The following ARMC3 variants were observed in gnomAD, a reference collection of about 807,000 sequenced individuals.
ARMC3 encodes the protein armadillo repeat-containing protein 3.
ARMC3 carries 74 observed loss-of-function variants against 90.3 expected under a neutral mutation model. The observed-to-expected ratio is 0.82, with a 90% confidence interval of 0.68 to 0.99. The LOEUF (loss-of-function observed/expected upper bound fraction) is 0.99. Among genes scored for constraint, ARMC3 ranks in the 50% least tolerant of loss-of-function variants. The pLI is 0.00. For missense variants in ARMC3, 958 were observed against 1,042.8 expected (o/e 0.92, Z 1.12); for synonymous variants, 334 against 361.8 (o/e 0.92, Z 0.87).
chr10:22,975,132 T>A (rs1835862112), intron 8 of ARMC3, among the ~76,000 whole-genome samples: 1 of 152,278 alleles, frequency 6.6e-6, no homozygotes, highest in African/African-American at 2.4e-5. Flanking sequence ...AAAATTTTTT[T>A]AAGGTATATC....
intron 15 of ARMC3, 132 bp from the exon 16 acceptor site, chr10:23,008,683 G>A (rs1393613313): frequency 2.6e-6 from 2 of 783,000 alleles, no homozygotes; most frequent in Non-Finnish European, 4.1e-6. Context: ...ATGGGGAAAG[G>A]AATCAAGTTA....
chr10:23,022,342 T>C (rs1478940630), intron 16 of ARMC3, among the ~76,000 whole-genome samples: 2 of 152,218 alleles, frequency 1.3e-5, no homozygotes, highest in African/African-American at 4.8e-5. Flanking sequence ...AATCACTTGA[T>C]GACTTCCTGC....
chr10:23,035,848 C>T (rs1839106269), intron 18 of ARMC3, among the ~76,000 whole-genome samples: 1 of 152,126 alleles, frequency 6.6e-6, no homozygotes, highest in Non-Finnish European at 1.5e-5. Flanking sequence ...TGCCCTTTGC[C>T]AAGCCCTTCC....
intron 2 of ARMC3, among the ~76,000 whole-genome samples, chr10:22,939,105 GT>G (rs1342451361): frequency 6.6e-6 from 1 of 152,144 alleles, no homozygotes; most frequent in African/African-American, 2.4e-5. Flanking sequence ...TATTTGTAAG[GT>G]TTTTGATTGT....
rs7918141 is a variant in ARMC3, at chr10:22,986,570, A to C, written c.1175+4870A>C. On this transcript the variant is annotated intron_variant, in intron 10 of 18. Coordinates refer to ENST00000298032, the MANE Select transcript of ARMC3 (RefSeq NM_173081.5). ...CCATCTCAAAAAAAAAAACAAAAAA[A>C]AAAAAAACAAACCCAAAACAAAACA... Among the ~76,000 whole-genome samples the C allele has an allele frequency of 5.2e-3, 764 of 146,080 alleles. 10 individuals are homozygous for C. Among genetic ancestry groups the C allele is most frequent in the African/African-American group, 0.018 (697 of 38,958 alleles).
chr10:22,968,551 G>A (rs1835546206), intron 8 of ARMC3, 62 bp downstream of exon 8: 1 of 1,409,658 alleles, frequency 7.1e-7, no homozygotes, highest in East Asian at 2.5e-5. Flanking sequence ...TCAGGCTGGA[G>A]TGCTGTGGCG....
intron 16 of ARMC3, among the ~76,000 whole-genome samples, chr10:23,018,827 A>G (rs543680944): frequency 6.6e-6 from 1 of 152,240 alleles, no homozygotes; most frequent in South Asian, 2.1e-4. Flanking sequence ...CACCTTGGTA[A>G]TTTTTAAGGA....
chr10:23,030,960 A>G (rs2131565711), intron 17 of ARMC3, 164 bp downstream of exon 17: 6 of 741,254 alleles, frequency 8.1e-6, no homozygotes, highest in Middle Eastern at 4.0e-4. Flanking sequence ...CTCAACTTCT[A>G]TTTAGGTCAT....
intron 2 of ARMC3, among the ~76,000 whole-genome samples, chr10:22,943,995 G>T (rs1200877922): frequency 2.0e-5 from 3 of 151,954 alleles, no homozygotes; most frequent in Non-Finnish European, 4.4e-5. Context: ...AAGCTAAACA[G>T]CAAAATACAT....
intron 8 of ARMC3, among the ~76,000 whole-genome samples, chr10:22,969,760 A>G (rs1337903323): frequency 1.3e-5 from 2 of 152,242 alleles, no homozygotes; most frequent in African/African-American, 2.4e-5. Context: ...ATGGGGAGAC[A>G]CGGACAATGC....
chr10:22,966,139 T>G (rs1835428552), intron 7 of ARMC3, among the ~76,000 whole-genome samples: 1 of 152,228 alleles, frequency 6.6e-6, no homozygotes, highest in South Asian at 2.1e-4. Flanking sequence ...TCTCTAGTGG[T>G]GCAGCTGGTA....
chr10:22,946,929 G>C (rs1834552361), intron 3 of ARMC3, among the ~76,000 whole-genome samples: 1 of 152,200 alleles, frequency 6.6e-6, no homozygotes, highest in Non-Finnish European at 1.5e-5. Flanking sequence ...GGAGGCCAAG[G>C]TGGGTGGATC....
At chr10:23,004,353 G>A (rs1033794221) in intron 13 of ARMC3, among the ~76,000 whole-genome samples, 21 of 152,048 alleles carry the variant, frequency 1.4e-4, no homozygotes, top group Non-Finnish European at 2.9e-5. Flanking sequence ...AAGCAGATAT[G>A]ATCTGCAGAC....
At position 23,030,733 on chromosome 10, in the gene ARMC3, A is replaced by G; in HGVS notation, c.2183A>G (p.Tyr728Cys). 6.2e-7 allele frequency: 1 copy of G among 1,613,868 alleles called. No individual in the cohort carries two copies. Residue 728 changes from tyrosine to cysteine, a missense_variant, in exon 17 of 19, where the codon TAT becomes TGT. Transcript: ENST00000298032. ...GACCCTGATTTCTCTATGTATGTGT[A>G]TGAGGTGACCAAATCAATACTGCCA... Reference protein sequence around the residue: ...PSDPDFSMYVYEVTKSILPIT... With the variant: ...PSDPDFSMYVCEVTKSILPIT...
intron 16 of ARMC3, chr10:23,014,322 C>T (rs923770967): frequency 7.2e-5 from 101 of 1,403,960 alleles, no homozygotes; most frequent in African/African-American, 2.3e-4. Flanking sequence ...GCTCAATGTG[C>T]GTCCCTTCTC....
At chr10:23,007,714 AAAAGAGAG>A (rs1339918653) in intron 14 of ARMC3, among the ~76,000 whole-genome samples, 1 of 60,778 alleles carries the variant, frequency 1.6e-5, no homozygotes, top group Non-Finnish European at 5.6e-5. Flanking sequence ...AAAAAAAAAA[AAAAGAGAG>A]AGAGCGAGAG....
At chr10:22,991,989 C>A (rs887832441) in intron 10 of ARMC3, among the ~76,000 whole-genome samples, 2 of 152,170 alleles carry the variant, frequency 1.3e-5, no homozygotes, top group Non-Finnish European at 2.9e-5. Context: ...ATCCTAACTC[C>A]TTGACCATCA....
At chr10:22,931,117 C>T (rs1305370919) in intron 1 of ARMC3, among the ~76,000 whole-genome samples, 1 of 152,096 alleles carries the variant, frequency 6.6e-6, no homozygotes, top group East Asian at 1.9e-4. Flanking sequence ...TTAGTAGAGA[C>T]AGGATTTCAC....
At position 22,972,151 on chromosome 10, in the gene ARMC3, T is replaced by C. The variant is rs544110729; in HGVS notation, c.916+3662T>C. On this transcript the variant is annotated intron_variant, in intron 8 of 18. Transcript: ENST00000298032. ...CATTCTGTGGTTTGCCTTTTTACTC[T>C]GTTGATTGTGTGCTTTGATGCAAAA... Among the ~76,000 whole-genome samples, 374 of 152,320 alleles carry C rather than the reference T, an allele frequency of 2.5e-3. 1 individual carries two copies. Among genetic ancestry groups the C allele is most frequent in the African/African-American group, 8.8e-3 (364 of 41,572 alleles).
Sources: gnomAD v4.1 joint callset for allele counts (sites outside exome capture counted in the v4.1 genomes callset) on GRCh38, gnomAD v4.1.1 for gene constraint, MANE v1.5 for transcripts, NCBI Gene and HGNC (gene_info 2026-07-23, HGNC 2026-07-21) for gene names.